Variants in TUBGCP4 observed in about 807,000 individuals in gnomAD.
The protein encoded by TUBGCP4 is tubulin gamma complex component 4.
Under a neutral mutation model 91.6 loss-of-function variants are expected in TUBGCP4, and 54 were observed. The observed-to-expected ratio is 0.59, with a 90% CI of 0.47 to 0.74. TUBGCP4 has a LOEUF of 0.74. Among genes scored for constraint, TUBGCP4 ranks in the 30% least tolerant of loss-of-function variants. TUBGCP4 has a pLI of 0.00. For missense variants in TUBGCP4, 593 were observed against 800.9 expected (o/e 0.74, Z 3.13); for synonymous variants, 297 against 302.8 (o/e 0.98, Z 0.20).
chr15:43,408,133 C>G lies in TUBGCP4; in HGVS notation c.*2919C>G. 6.3e-7 allele frequency: 1 copy of G among 1,586,510 alleles called. No homozygotes were observed. Among genetic ancestry groups the G allele is most frequent in the South Asian group, 1.1e-5 (1 of 87,964 alleles). ...GGACCTTAGCATGACAAGTAATATCCAACAAACTGCCTTTCTGCAAAGGGA... is the reference window on the plus strand; with the variant it reads ...GGACCTTAGCATGACAAGTAATATCGAACAAACTGCCTTTCTGCAAAGGGA... On this transcript the variant is annotated 3_prime_UTR_variant, in exon 18 of 18. Transcript: ENST00000564079.
Position 43,401,844 on chromosome 15 carries a change from GA to G in TUBGCP4, c.1728del (p.Lys576AsnfsTer7), listed in dbSNP as rs1353150768. The G allele has an allele frequency of 6.2e-7, 1 of 1,614,088 alleles. No homozygotes were observed. Among genetic ancestry groups the G allele is most frequent in the Non-Finnish European group, 8.5e-7 (1 of 1,179,988 alleles). On this transcript the variant is annotated frameshift_variant, in exon 15 of 18. Transcript: ENST00000564079. LOFTEE classifies it high-confidence loss of function. ...TGCTGGCTCAATCCTTTATCCTATT[GA>G]AACCTGTAAGTAAGGCTCATTGGTT... ...NLLAQSFILL[K>X]PVFHCLNEIL...
At position 43,376,352 on chromosome 15, in the gene TUBGCP4, T is replaced by G; in HGVS notation, c.207+126T>G. The G allele has an allele frequency of 2.5e-6, 4 of 1,594,700 alleles. No homozygotes were observed. The South Asian group carries it at 4.5e-5, about 18-fold the overall frequency. The stretch of plus-strand genomic sequence containing the variant: ...TATCGGTAATTCATGTGAAATAAGT[T>G]ATGGATTTCTCATCACTAGAAATAT... On this transcript the variant is annotated intron_variant, in intron 2 of 17. Coordinates refer to ENST00000564079, the MANE Select transcript of TUBGCP4 (RefSeq NM_014444.5).
intron 3 of TUBGCP4, 31 bp from the exon 4 acceptor site, chr15:43,376,983 G>A (rs773838790): frequency 7.0e-6 from 11 of 1,561,594 alleles, no homozygotes; most frequent in Non-Finnish European, 9.7e-6. Context: ...TATTTTGTGT[G>A]GAGCTCTAAT....
rs893672774 is a variant in TUBGCP4 at position 43,401,446 on chromosome 15, C to T, written c.1597-270C>T. ...CAGCCTGGGTGGCAGAGCAAGACTC[C>T]GTCTCAAAAAAAAAAAAAGGAAAAA... On this transcript the variant is annotated intron_variant, in intron 14 of 17. Transcript: ENST00000564079. Among the ~76,000 whole-genome samples the T allele has an allele frequency of 1.2e-4, 16 of 128,980 alleles. 1 individual carries two copies. The Middle Eastern group carries it at 0.016, about 130-fold the overall frequency. The allele number at this position is 128,980 out of a possible 152,430, so 84.6% of individuals were successfully genotyped here. A position where few individuals can be genotyped will look rare whatever the true frequency, so the allele number is the denominator to read the frequency against.
chr15:43,374,308 C>G (rs911792706), intron 1 of TUBGCP4, among the ~76,000 whole-genome samples: 1 of 152,082 alleles, frequency 6.6e-6, no homozygotes, highest in African/African-American at 2.4e-5. Flanking sequence ...TATGGCAGTT[C>G]TTCAAAAAAT....
At chr15:43,386,716 C>G (rs1351369715) in intron 9 of TUBGCP4, among the ~76,000 whole-genome samples, 3 of 110,590 alleles carry the variant, frequency 2.7e-5, no homozygotes, top group Non-Finnish European at 1.7e-5. Context: ...CAGAGCAAGA[C>G]TCTGTCTCCA....
At chr15:43,391,569 C>A (rs1435779010) in intron 9 of TUBGCP4, 2 of 152,156 alleles carry the variant, frequency 1.3e-5, no homozygotes, top group Non-Finnish European at 2.9e-5. Flanking sequence ...CCTGGTGGTC[C>A]CCCACTCCCA....
intron 9 of TUBGCP4, chr15:43,394,184 A>G (rs996426609): frequency 6.6e-6 from 1 of 151,280 alleles, no homozygotes; most frequent in Non-Finnish European, 1.5e-5. Context: ...CCTGGGTTCA[A>G]GTGATTCTTC....
In TUBGCP4 at chr15:43,395,128, G is replaced by A; in HGVS notation, c.1036G>A (p.Glu346Lys). The change falls in exon 10 of 18, where the codon GAA (glutamate) becomes AAA (lysine). Residue 346 changes from glutamate (E) to lysine (K), a missense_variant. By Grantham distance (56) the Glu-to-Lys change is moderately conservative (BLOSUM62 1). Transcript: ENST00000564079. ...ATAGCATCTCTGGAAGTTGATGGTA[G>A]AAGAATCCGATTTACTGGGTCAGCT... Reference protein sequence around the residue: ...VAEHLWKLMVEESDLLGQLKI... With the variant: ...VAEHLWKLMVKESDLLGQLKI... 1 of 1,614,146 alleles carries A rather than the reference G, an allele frequency of 6.2e-7. No homozygotes were observed.
intron 7 of TUBGCP4, chr15:43,385,519 T>A: frequency 2.0e-6 from 1 of 502,984 alleles, no homozygotes. Context: ...GTAAGGAAGC[T>A]GGTCGACTGT....
chr15:43,381,769 T>A (rs2044288717), intron 6 of TUBGCP4, among the ~76,000 whole-genome samples: 1 of 152,056 alleles, frequency 6.6e-6, no homozygotes, highest in Non-Finnish European at 1.5e-5. Flanking sequence ...AACGCTAGTG[T>A]ATCCTTTAGT....
chr15:43,374,035 C>T (rs1235394327), intron 1 of TUBGCP4, among the ~76,000 whole-genome samples: 1 of 152,200 alleles, frequency 6.6e-6, no homozygotes, highest in African/African-American at 2.4e-5. Flanking sequence ...TCATTAAAAT[C>T]TACATTAATT....
At chr15:43,381,624 C>T (rs1018804811) in intron 6 of TUBGCP4, among the ~76,000 whole-genome samples, 2 of 151,874 alleles carry the variant, frequency 1.3e-5, no homozygotes, top group African/African-American at 2.4e-5. Context: ...GTCCCAGCTA[C>T]GGGAAGCTGA....
chr15:43,408,134 A>G lies in TUBGCP4; in HGVS notation c.*2920A>G. ...GACCTTAGCATGACAAGTAATATCC[A>G]ACAAACTGCCTTTCTGCAAAGGGAC... On this transcript the variant is annotated 3_prime_UTR_variant, in exon 18 of 18. Coordinates refer to ENST00000564079, the MANE Select transcript of TUBGCP4 (RefSeq NM_014444.5). The G allele has an allele frequency of 6.3e-7, 1 of 1,587,818 alleles. No homozygotes were observed. Among genetic ancestry groups the G allele is most frequent in the Non-Finnish European group, 8.6e-7 (1 of 1,164,888 alleles).
intron 3 of TUBGCP4, among the ~76,000 whole-genome samples, 188 bp downstream of exon 3, chr15:43,376,813 C>G (rs374774257): frequency 2.0e-5 from 3 of 152,196 alleles, no homozygotes; most frequent in African/African-American, 7.2e-5. Context: ...ATGGCAAAGA[C>G]TCTTTAGTGA....
rs1478050483 is a variant in TUBGCP4 at position 43,405,244 on chromosome 15, G to A, written c.*30G>A. The A allele has an allele frequency of 6.2e-7, 1 of 1,613,182 alleles. No individual in the cohort carries two copies. The highest frequency in any genetic ancestry group is 1.7e-5 in the Admixed American group (1 of 60,020). On this transcript the variant is annotated 3_prime_UTR_variant, in exon 18 of 18. Transcript: ENST00000564079. ...TTCTGGCTCATAAATTGAAATAACAGCCACGTTCCCAAGGTTGTAACAGAA... is the reference window on the plus strand; with the variant it reads ...TTCTGGCTCATAAATTGAAATAACAACCACGTTCCCAAGGTTGTAACAGAA...
intron 9 of TUBGCP4, among the ~76,000 whole-genome samples, chr15:43,393,312 C>T (rs1043324435): frequency 1.8e-4 from 27 of 151,310 alleles, no homozygotes; most frequent in East Asian, 5.8e-4. Context: ...CGGGTTCAAG[C>T]GATTCCCCTG....
intron 9 of TUBGCP4, 72 bp from the exon 10 acceptor site, chr15:43,395,035 G>A: frequency 6.5e-7 from 1 of 1,527,654 alleles, no homozygotes; most frequent in South Asian, 1.1e-5. Context: ...TGCTGGATTT[G>A]TATGGAACCA....
intron 9 of TUBGCP4, chr15:43,394,815 T>C (rs2044554209): frequency 2.4e-6 from 1 of 418,312 alleles, no homozygotes; most frequent in African/African-American, 2.0e-5. Context: ...TCTGCCATGA[T>C]TGTAAGTTTC....
Sources: gnomAD v4.1 joint callset for allele counts (sites outside exome capture counted in the v4.1 genomes callset) on GRCh38, gnomAD v4.1.1 for gene constraint, MANE v1.5 for transcripts, NCBI Gene and HGNC (gene_info 2026-07-23, HGNC 2026-07-21) for gene names.